TARS3: variants seen among roughly 807,000 people sequenced by gnomAD.
TARS3 encodes the protein threonine--tRNA ligase 2, cytoplasmic.
Under a neutral mutation model 103.5 loss-of-function variants are expected in TARS3, and 94 were observed. That is an observed-to-expected ratio of 0.91 (90% confidence interval 0.77 to 1.08). The LOEUF (loss-of-function observed/expected upper bound fraction) is 1.08, where lower values mean the gene tolerates loss of function less well. Ranked by LOEUF, TARS3 falls within the 50% of genes least tolerant of loss-of-function variation. The pLI is 0.00. For missense variants in TARS3, 952 were observed against 995.2 expected (o/e 0.96, Z 0.58); for synonymous variants, 416 against 355.4 (o/e 1.17, Z -1.92).
At chr15:101,686,514 T>C (rs556382291) in intron 10 of TARS3, among the ~76,000 whole-genome samples, 150 of 152,258 alleles carry the variant, frequency 9.9e-4, no homozygotes, top group African/African-American at 3.4e-3. Flanking sequence ...ATTTAAGTAG[T>C]TGAAATTATT....
At chr15:101,710,032 C>A (rs1236529763) in intron 5 of TARS3, among the ~76,000 whole-genome samples, 1 of 152,254 alleles carries the variant, frequency 6.6e-6, no homozygotes, top group East Asian at 1.9e-4. Flanking sequence ...ACTTTCAGCA[C>A]CCCCACCTGC....
chr15:101,699,264 T>A lies in TARS3; in HGVS notation c.1320+1822A>T, dbSNP rs1393121990. 1.2e-5 allele frequency: 4 copies of A among 328,632 alleles called. No individual in the cohort carries two copies. In the East Asian group the frequency reaches 3.7e-4, roughly 31 times the overall value. The allele number at this position is 328,632 out of a possible 1,614,324, so 20.4% of individuals were successfully genotyped here. A position where few individuals can be genotyped will look rare whatever the true frequency, so the allele number is the denominator to read the frequency against. The stretch of plus-strand genomic sequence containing the variant: ...GTATCCAGAAATGCAAAGTTCTCAG[T>A]GTCGCCTGTGTCTGTCAAATATTCC... On this transcript the variant is annotated intron_variant, in intron 10 of 18. Coordinates refer to ENST00000335968, the MANE Select transcript of TARS3 (RefSeq NM_152334.3).
chr15:101,682,546 ATGT>A (rs1451213651), intron 12 of TARS3, among the ~76,000 whole-genome samples: 7 of 152,186 alleles, frequency 4.6e-5, no homozygotes, highest in African/African-American at 1.4e-4. Context: ...ACTTAGTAAA[ATGT>A]TGTTTAAATT....
intron 13 of TARS3, among the ~76,000 whole-genome samples, chr15:101,675,221 C>G (rs1897973098): frequency 6.6e-6 from 1 of 152,172 alleles, no homozygotes; most frequent in Admixed American, 6.5e-5. Flanking sequence ...ACATCTACAT[C>G]TAGACCATGC....
At chr15:101,709,935 A>G (rs1007623237) in intron 5 of TARS3, among the ~76,000 whole-genome samples, 4 of 152,174 alleles carry the variant, frequency 2.6e-5, no homozygotes, top group Admixed American at 2.6e-4. Flanking sequence ...TTGTGTGCTG[A>G]TGAGATGACT....
At chr15:101,704,044 T>C (rs1312180374) in intron 7 of TARS3, 107 bp from the exon 8 acceptor site, 10 of 714,674 alleles carry the variant, frequency 1.4e-5, no homozygotes, top group South Asian at 2.4e-5. Context: ...CTTATTTATA[T>C]GTAGCAATGC....
chr15:101,697,875 A>C (rs1321062571), intron 10 of TARS3, among the ~76,000 whole-genome samples: 2 of 152,216 alleles, frequency 1.3e-5, no homozygotes, highest in Admixed American at 1.3e-4. Context: ...TCGGTGTCAG[A>C]AAGATGTGGA....
chr15:101,721,321 A>C lies in TARS3; in HGVS notation c.371T>G (p.Val124Gly), dbSNP rs769707237. The change falls in exon 3 of 19, where the codon GTG becomes GGG. Residue 124 changes from valine (V) to glycine (G), a missense_variant and splice_region_variant. Transcript: ENST00000335968. ...KMKESEADSE[V>G]KHQPIFIKER... is the part of the protein sequence containing the mutation. ...TTTTATGAAAATTGGTTGATGCTTCACCTGGAAATTATTAGAACATAATGA... is the reference window on the plus strand; with the variant it reads ...TTTTATGAAAATTGGTTGATGCTTCCCCTGGAAATTATTAGAACATAATGA... 6 of 1,607,154 alleles carry C rather than the reference A, an allele frequency of 3.7e-6. No individual in the cohort carries two copies. The highest frequency in any genetic ancestry group is 4.3e-6 in the Non-Finnish European group (5 of 1,174,076).
intron 7 of TARS3, 49 bp from the exon 8 acceptor site, chr15:101,703,986 G>C: frequency 1.5e-6 from 2 of 1,346,468 alleles, no homozygotes; most frequent in Non-Finnish European, 2.1e-6. Flanking sequence ...CAGTGTTCTG[G>C]ACTATTCATT....
chr15:101,664,062 T>C (rs1352091165), intron 15 of TARS3: 1 of 152,222 alleles, frequency 6.6e-6, no homozygotes. Flanking sequence ...TCTCCTCTCA[T>C]ACATAAGCCT....
At position 101,705,737 on chromosome 15, in the gene TARS3, A is replaced by T; in HGVS notation, c.941T>A (p.Phe314Tyr). 6.2e-7 allele frequency: 1 copy of T among 1,608,066 alleles called. No homozygotes were observed. Among genetic ancestry groups the T allele is most frequent in the South Asian group, 1.1e-5 (1 of 90,178 alleles). The change falls in exon 7 of 19, where the codon TTT becomes TAT. Residue 314 changes from phenylalanine (F) to tyrosine (Y), a missense_variant. This residue lies in a region of TARS3 where 540 missense variants were observed against 631.0 expected (regional missense o/e 0.86). Coordinates refer to ENST00000335968, the MANE Select transcript of TARS3 (RefSeq NM_152334.3). ...TTTCTCATTCAGAATGCGGCATTTA[A>T]ATTTATTGTACTACGAAGAAAAACA... ...ILLEMFKYNK[F>Y]KCRILNEKVN... is the part of the protein sequence containing the mutation.
chr15:101,661,485 C>A (rs1304719114), intron 16 of TARS3, among the ~76,000 whole-genome samples: 1 of 151,730 alleles, frequency 6.6e-6, no homozygotes, highest in Non-Finnish European at 1.5e-5. Flanking sequence ...ATGCCACTCT[C>A]CCTTAGTTTT....
At chr15:101,705,294 C>G (rs1000756221) in intron 7 of TARS3, among the ~76,000 whole-genome samples, 10 of 152,280 alleles carry the variant, frequency 6.6e-5, no homozygotes, top group Non-Finnish European at 1.5e-4. Flanking sequence ...ATGGGGCAGA[C>G]TCTTCTACAC....
At chr15:101,663,806 A>G (rs1425021514) in intron 15 of TARS3, among the ~76,000 whole-genome samples, 2 of 152,216 alleles carry the variant, frequency 1.3e-5, no homozygotes, top group African/African-American at 4.8e-5. Flanking sequence ...TTTGAGTAAC[A>G]ATACAAATAG....
At chr15:101,690,781 AT>A (rs1024372880) in intron 10 of TARS3, among the ~76,000 whole-genome samples, 11 of 152,276 alleles carry the variant, frequency 7.2e-5, no homozygotes, top group African/African-American at 2.2e-4. Context: ...TGTGATTTTA[AT>A]TGTATATTTT....
rs995741654 is a variant in TARS3 at position 101,708,715 on chromosome 15, T to C, written c.930+78A>G. Reference sequence around the variant, plus strand: ...AATTTGGTGAGCAACAGGTAATTATTTGGGGGAAGGTGGGGAAGCTAGTCT... The same window carrying C: ...AATTTGGTGAGCAACAGGTAATTATCTGGGGGAAGGTGGGGAAGCTAGTCT... On this transcript the variant is annotated intron_variant, in intron 6 of 18. Transcript: ENST00000335968. 46 of 965,490 alleles carry C rather than the reference T, an allele frequency of 4.8e-5. No homozygotes were observed. The Middle Eastern group carries it at 9.0e-4, about 19-fold the overall frequency. 59.8% of individuals were successfully genotyped at this position (965,490 alleles called of 1,614,324 possible). A position where few individuals can be genotyped will look rare whatever the true frequency, so the allele number is the denominator to read the frequency against.
chr15:101,689,420 G>C (rs1053591846), intron 10 of TARS3, among the ~76,000 whole-genome samples: 10 of 152,138 alleles, frequency 6.6e-5, no homozygotes, highest in Non-Finnish European at 1.5e-4. Context: ...ACTTCAGAAT[G>C]TGTCCTTATT....
At chr15:101,710,364 T>C (rs1292232293) in intron 5 of TARS3, among the ~76,000 whole-genome samples, 8 of 152,328 alleles carry the variant, frequency 5.3e-5, no homozygotes, top group Admixed American at 3.3e-4. Context: ...TAGCAAATTA[T>C]TGAACCCAAG....
At chr15:101,698,123 T>A (rs1204891952) in intron 10 of TARS3, among the ~76,000 whole-genome samples, 1 of 151,986 alleles carries the variant, frequency 6.6e-6, no homozygotes, top group East Asian at 1.9e-4. Flanking sequence ...GATCACGAAG[T>A]CAGGAGATCT....
Sources: allele counts gnomAD v4.1 joint callset (sites outside exome capture counted in the v4.1 genomes callset), GRCh38; gene constraint gnomAD v4.1.1; regional missense constraint gnomAD v4.1.1; transcripts MANE v1.5; gene names NCBI Gene and HGNC (gene_info 2026-07-23, HGNC 2026-07-21).